The following DZANK1 variants were observed in gnomAD, a reference collection of about 807,000 sequenced individuals.
The protein encoded by DZANK1 is double zinc ribbon and ankyrin repeat domains 1.
DZANK1 carries 91 observed loss-of-function variants against 94.5 expected under a neutral mutation model. The ratio of observed to expected loss-of-function variants is 0.96; its 90% CI spans 0.81 to 1.15. The LOEUF is 1.15. DZANK1 is among the 50% of genes most tolerant of loss of function. The probability of loss-of-function intolerance (pLI) is 0.00; values close to 1 mark genes in which losing one functional copy is unlikely to be tolerated. For missense variants in DZANK1, 903 were observed against 916.4 expected (o/e 0.99, Z 0.19); for synonymous variants, 312 against 325.3 (o/e 0.96, Z 0.44).
At chr20:18,419,890 C>CA (rs74179199) in intron 10 of DZANK1, among the ~76,000 whole-genome samples, 55,298 of 124,576 alleles carry the variant, frequency 0.44, 11,529 homozygotes, top group East Asian at 0.72. Flanking sequence ...GGTGTAAATA[C>CA]AAAAAAAAAA....
At position 18,433,662 on chromosome 20, in the gene DZANK1, A is replaced by T. The variant is rs1203669384; in HGVS notation, c.851T>A (p.Leu284His). The T allele has an allele frequency of 6.2e-7, 1 of 1,613,696 alleles. No homozygotes were observed. The highest frequency in any genetic ancestry group is 1.3e-5 in the African/African-American group (1 of 74,932). Residue 284 changes from leucine to histidine, a missense_variant, in exon 9 of 21, where the codon CTC (leucine) becomes CAC (histidine). Coordinates refer to ENST00000262547, the Ensembl canonical transcript of DZANK1. ...ATCACATTTCATTACCTTCAAGTGG[A>T]GGCTTGCCTGTGGCTGCAGCTGTAG...
intron 4 of DZANK1, chr20:18,454,068 G>C (rs2059200715): frequency 3.4e-6 from 2 of 590,648 alleles, no homozygotes; most frequent in Admixed American, 4.2e-5. Context: ...AAGGCAGGAG[G>C]CAGGGAGCAG....
chr20:18,396,542 A>G, exon 15 of DZANK1: 3 of 1,612,586 alleles, frequency 1.9e-6, no homozygotes, highest in Non-Finnish European at 2.5e-6. Flanking sequence ...AGTAGCAGAG[A>G]TAAGCTTTTA....
At chr20:18,446,424 A>G (rs996543951) in intron 7 of DZANK1, among the ~76,000 whole-genome samples, 1 of 152,238 alleles carries the variant, frequency 6.6e-6, no homozygotes, top group Non-Finnish European at 1.5e-5. Context: ...TAACAAGGAT[A>G]ATTAGAAACT....
chr20:18,440,482 A>G (rs1052054213), intron 8 of DZANK1, among the ~76,000 whole-genome samples: 3 of 152,174 alleles, frequency 2.0e-5, no homozygotes, highest in Admixed American at 6.6e-5. Context: ...AGACTCTGTC[A>G]CTATATATTA....
intron 14 of DZANK1, 28 bp from the exon 15 acceptor site, chr20:18,396,574 A>T: frequency 6.3e-7 from 1 of 1,581,888 alleles, no homozygotes; most frequent in Non-Finnish European, 8.7e-7. Context: ...GAGAGAATTC[A>T]TAACTGTGGG....
chr20:18,452,575 G>C, intron 6 of DZANK1, 40 bp downstream of exon 6: 1 of 1,555,416 alleles, frequency 6.4e-7, no homozygotes, highest in Non-Finnish European at 8.7e-7. Flanking sequence ...AAAAATATAG[G>C]AGGTATTTGA....
intron 19 of DZANK1, among the ~76,000 whole-genome samples, chr20:18,387,507 C>G (rs1040020097): frequency 1.3e-5 from 2 of 152,230 alleles, no homozygotes; most frequent in African/African-American, 4.8e-5. Flanking sequence ...TAGACTGATG[C>G]TTGCATCTTC....
intron 11 of DZANK1, among the ~76,000 whole-genome samples, chr20:18,414,961 G>C (rs556017787): frequency 6.6e-6 from 1 of 152,276 alleles, no homozygotes; most frequent in South Asian, 2.1e-4. Flanking sequence ...GTGGGACTTA[G>C]AGAGAGAGGA....
chr20:18,413,345 C>G (rs2057343908), intron 12 of DZANK1: 1 of 155,150 alleles, frequency 6.4e-6, no homozygotes, highest in Non-Finnish European at 1.4e-5. Flanking sequence ...GGTAATTTTT[C>G]TAGTAGAGAA....
intron 13 of DZANK1, among the ~76,000 whole-genome samples, chr20:18,401,666 A>T (rs2056689865): frequency 6.6e-6 from 1 of 152,218 alleles, no homozygotes; most frequent in Non-Finnish European, 1.5e-5. Context: ...ACCTGCACTC[A>T]TTCAAATGTC....
At chr20:18,443,503 G>A (rs2148688543) in intron 7 of DZANK1, 39 bp from the exon 8 acceptor site, 1 of 1,171,488 alleles carries the variant, frequency 8.5e-7, no homozygotes, top group Non-Finnish European at 1.2e-6. Context: ...ATGTTCTGGT[G>A]GGCCCACATT....
At chr20:18,453,815 C>T (rs1407406823) in exon 5 of DZANK1, 21 of 1,597,194 alleles carry the variant, frequency 1.3e-5, no homozygotes, top group Non-Finnish European at 1.8e-5. Flanking sequence ...CCAACAAATC[C>T]ATTTTTGAAT....
intron 1 of DZANK1, among the ~76,000 whole-genome samples, chr20:18,466,596 A>C (rs2059663931): frequency 6.6e-6 from 1 of 152,248 alleles, no homozygotes; most frequent in Non-Finnish European, 1.5e-5. Flanking sequence ...AAATAAAAGT[A>C]GTTGAAAAAT....
chr20:18,440,986 G>A (rs1486120554), intron 8 of DZANK1, among the ~76,000 whole-genome samples: 1 of 152,178 alleles, frequency 6.6e-6, no homozygotes, highest in Non-Finnish European at 1.5e-5. Context: ...GGAGCTACAA[G>A]AAGTATATTA....
chr20:18,384,518 A>G (rs780851985), exon 21 of DZANK1: 1 of 1,611,092 alleles, frequency 6.2e-7, no homozygotes, highest in Non-Finnish European at 8.5e-7. Flanking sequence ...GCCAGGTCGT[A>G]TGCTGTCTGG....
At chr20:18,404,008 G>A (rs999265971) in intron 13 of DZANK1, among the ~76,000 whole-genome samples, 2 of 151,914 alleles carry the variant, frequency 1.3e-5, no homozygotes, top group Non-Finnish European at 2.9e-5. Flanking sequence ...CCATGTTGGC[G>A]AGGCTGGTCT....
chr20:18,464,134 C>T (rs1036009602), intron 2 of DZANK1, among the ~76,000 whole-genome samples: 5 of 151,306 alleles, frequency 3.3e-5, no homozygotes, highest in East Asian at 3.9e-4. Flanking sequence ...AGTACAGTGG[C>T]GCCATCTCGG....
At chr20:18,455,206 A>C (rs1209271983) in intron 4 of DZANK1, 41 bp downstream of exon 4, 1 of 1,498,110 alleles carries the variant, frequency 6.7e-7, no homozygotes. Context: ...AGGAACCAAA[A>C]TACAGTGACA....
Sources: gnomAD v4.1 joint callset for allele counts (sites outside exome capture counted in the v4.1 genomes callset) on GRCh38, gnomAD v4.1.1 for gene constraint, MANE v1.5 for transcripts, NCBI Gene and HGNC (gene_info 2026-07-23, HGNC 2026-07-21) for gene names.